CDH4: variants seen among roughly 807,000 people sequenced by gnomAD.
CDH4 encodes cadherin 4, also known as cadherin-4.
A neutral mutation model predicts 86.0 loss-of-function variants in CDH4; 33 were observed. The ratio of observed to expected loss-of-function variants is 0.38; its 90% CI spans 0.29 to 0.51. CDH4 has a LOEUF of 0.51. Among genes scored for constraint, CDH4 ranks in the 20% least tolerant of loss-of-function variants. CDH4 has a pLI of 0.86. For synonymous variants in CDH4, 555 were observed against 549.4 expected (o/e 1.01, Z -0.14); for missense variants, 1,114 against 1,307.4 (o/e 0.85, Z 2.28).
chr20:61,867,675 C>G (rs1983613257), intron 6 of CDH4, among the ~76,000 whole-genome samples: 1 of 152,094 alleles, frequency 6.6e-6, no homozygotes, highest in African/African-American at 2.4e-5. Context: ...CTGGAGGTGG[C>G]CAGCAGCTCT....
intron 2 of CDH4, among the ~76,000 whole-genome samples, chr20:61,541,798 G>C (rs1258589306): frequency 6.6e-6 from 1 of 152,176 alleles, no homozygotes; most frequent in Non-Finnish European, 1.5e-5. Context: ...CAACTCTCCA[G>C]CCAGTGAGTG....
rs199626534 is a variant in CDH4, at chr20:61,622,791, T to A, written c.170-120772T>A. On this transcript the variant is annotated intron_variant, in intron 2 of 15. Transcript: ENST00000614565. Reference sequence around the variant, plus strand: ...TGCCAGTAGCACCCACCCTGCCCAGTTGTGACAGCCAAGACCATCTCCAAA... The same window carrying A: ...TGCCAGTAGCACCCACCCTGCCCAGATGTGACAGCCAAGACCATCTCCAAA... 3.3e-5 allele frequency among the ~76,000 whole-genome samples: 5 copies of A among 152,272 alleles called. No homozygotes were observed. The East Asian group carries it at 9.7e-4, about 29-fold the overall frequency.
At chr20:61,357,333 C>T (rs1273067696) in intron 2 of CDH4, among the ~76,000 whole-genome samples, 1 of 152,208 alleles carries the variant, frequency 6.6e-6, no homozygotes, top group Non-Finnish European at 1.5e-5. Flanking sequence ...GGAGGACCGG[C>T]TGGTCCACAC....
chr20:61,317,573 TG>T (rs1435667637), intron 2 of CDH4, among the ~76,000 whole-genome samples: 1 of 151,990 alleles, frequency 6.6e-6, no homozygotes, highest in Non-Finnish European at 1.5e-5. Flanking sequence ...GCCACAGGCA[TG>T]GGGGGCTGGA....
chr20:61,363,993 T>TC (rs1401670383), intron 2 of CDH4, among the ~76,000 whole-genome samples: 1 of 152,198 alleles, frequency 6.6e-6, no homozygotes, highest in Non-Finnish European at 1.5e-5. Context: ...CACAGTCCCC[T>TC]CATAAGTTGA....
chr20:61,308,474 C>T (rs895676853), intron 2 of CDH4, among the ~76,000 whole-genome samples: 2 of 152,176 alleles, frequency 1.3e-5, no homozygotes, highest in African/African-American at 4.8e-5. Flanking sequence ...GAAAGCTGTG[C>T]CGACAATTAA....
intron 2 of CDH4, among the ~76,000 whole-genome samples, chr20:61,376,290 A>G (rs1342769812): frequency 6.6e-6 from 1 of 151,494 alleles, no homozygotes; most frequent in East Asian, 1.9e-4. Context: ...GACCCCTGAG[A>G]CCGGCCACAA....
chr20:61,798,876 TC>T (rs1195733312), intron 4 of CDH4, among the ~76,000 whole-genome samples: 2 of 152,140 alleles, frequency 1.3e-5, no homozygotes, highest in Non-Finnish European at 2.9e-5. Context: ...ATGCGTCCTT[TC>T]CAAACTGGCA....
At chr20:61,665,428 G>A (rs2087312218) in intron 2 of CDH4, among the ~76,000 whole-genome samples, 1 of 152,240 alleles carries the variant, frequency 6.6e-6, no homozygotes, top group African/African-American at 2.4e-5. Context: ...GTGCAACTGT[G>A]GGTTGAGGGG....
rs1397558851 is a variant in CDH4 at position 61,939,482 on chromosome 20, C to T, written c.*2539C>T. On this transcript the variant is annotated 3_prime_UTR_variant, in exon 16 of 16. Coordinates refer to ENST00000614565, the MANE Select transcript of CDH4 (RefSeq NM_001794.5). ...GGGCTTCCTGTGCCCATCCCTGCTCCAAACAGCTGGACAGCTTCCCCTCTA... is the reference window on the plus strand; with the variant it reads ...GGGCTTCCTGTGCCCATCCCTGCTCTAAACAGCTGGACAGCTTCCCCTCTA... 1 of 152,340 alleles carries T rather than the reference C, an allele frequency of 6.6e-6. No homozygotes were observed. The highest frequency in any genetic ancestry group is 1.5e-5 in the Non-Finnish European group (1 of 68,108). 9.4% of individuals were successfully genotyped at this position (152,340 alleles called of 1,614,324 possible).
rs533438167 is a variant in CDH4, at chr20:61,476,364, AGT to A, written c.169+221435_169+221436del. On this transcript the variant is annotated intron_variant, in intron 2 of 15. Coordinates refer to ENST00000614565, the MANE Select transcript of CDH4 (RefSeq NM_001794.5). ...TTCCTGCCTGCCAGACTCATCTAGA[AGT>A]GTGTGTGCCCGTGTGTGTGCACGTG... Among the ~76,000 whole-genome samples the A allele has an allele frequency of 3.3e-5, 5 of 152,308 alleles. No individual in the cohort carries two copies. In the East Asian group the frequency reaches 9.7e-4, roughly 29 times the overall value.
intron 2 of CDH4, among the ~76,000 whole-genome samples, chr20:61,500,968 T>A (rs1000023855): frequency 2.6e-5 from 4 of 152,228 alleles, no homozygotes; most frequent in African/African-American, 7.2e-5. Context: ...AGCATTGTGC[T>A]AAGCATATCT....
intron 4 of CDH4, among the ~76,000 whole-genome samples, chr20:61,803,540 G>T (rs1401359631): frequency 1.3e-5 from 2 of 152,240 alleles, no homozygotes; most frequent in East Asian, 3.9e-4. Context: ...TCATCCTCCA[G>T]CGAATGGAAT....
intron 6 of CDH4, among the ~76,000 whole-genome samples, chr20:61,853,910 T>C (rs1020566234): frequency 1.3e-5 from 2 of 152,190 alleles, no homozygotes; most frequent in Non-Finnish European, 2.9e-5. Flanking sequence ...AGGAGACCTC[T>C]GCTTGGGCCA....
intron 2 of CDH4, among the ~76,000 whole-genome samples, chr20:61,320,069 T>G (rs2084499836): frequency 6.6e-6 from 1 of 152,170 alleles, no homozygotes; most frequent in African/African-American, 2.4e-5. Flanking sequence ...TAAATGTTCT[T>G]CCCACAATAA....
intron 2 of CDH4, among the ~76,000 whole-genome samples, chr20:61,353,034 C>T (rs995473534): frequency 6.6e-6 from 1 of 152,160 alleles, no homozygotes; most frequent in African/African-American, 2.4e-5. Context: ...CCCATCTCCT[C>T]CCCTCCCCTC....
At chr20:61,554,792 A>G (rs1278465380) in intron 2 of CDH4, among the ~76,000 whole-genome samples, 4 of 152,228 alleles carry the variant, frequency 2.6e-5, no homozygotes, top group Non-Finnish European at 4.4e-5. Flanking sequence ...ACATGTTTTC[A>G]CACGTGCACA....
At chr20:61,639,256 G>C (rs2145799080) in intron 2 of CDH4, among the ~76,000 whole-genome samples, 1 of 152,284 alleles carries the variant, frequency 6.6e-6, no homozygotes, top group South Asian at 2.1e-4. Flanking sequence ...TATAGTCTGT[G>C]CTGTTACATA....
chr20:61,358,080 T>G (rs547729689), intron 2 of CDH4, among the ~76,000 whole-genome samples: 2 of 152,340 alleles, frequency 1.3e-5, no homozygotes, highest in African/African-American at 4.8e-5. Flanking sequence ...GGAAGACATG[T>G]TAGGACTCAT....
Sources: allele counts gnomAD v4.1 joint callset (sites outside exome capture counted in the v4.1 genomes callset), GRCh38; gene constraint gnomAD v4.1.1; transcripts MANE v1.5; gene names NCBI Gene and HGNC (gene_info 2026-07-23, HGNC 2026-07-21).